The following COMMD1 variants were observed in gnomAD, a reference collection of about 807,000 sequenced individuals.
COMMD1 encodes COMM domain-containing protein 1.
COMMD1 carries 10 observed loss-of-function variants against 17.2 expected under a neutral mutation model. The ratio of observed to expected loss-of-function variants is 0.58; its 90% CI spans 0.36 to 0.99. The LOEUF (loss-of-function observed/expected upper bound fraction) is 0.99. Among genes scored for constraint, COMMD1 ranks in the 50% least tolerant of loss-of-function variants. COMMD1 has a pLI of 0.01. For missense variants in COMMD1, 270 were observed against 231.8 expected (o/e 1.17, Z -1.07); for synonymous variants, 97 against 91.6 (o/e 1.06, Z -0.34).
At chr2:61,906,734 C>G (rs771793842) in intron 1 of COMMD1, among the ~76,000 whole-genome samples, 2 of 151,810 alleles carry the variant, frequency 1.3e-5, no homozygotes, top group African/African-American at 4.8e-5. Flanking sequence ...CATGTTGTTT[C>G]ATTTGTTTCT....
At chr2:62,117,221 G>T (rs1000708955) in intron 2 of COMMD1, among the ~76,000 whole-genome samples, 5 of 152,096 alleles carry the variant, frequency 3.3e-5, no homozygotes, top group Admixed American at 1.3e-4. Context: ...ACTCAGCCGG[G>T]CTGCTGCCCC....
chr2:62,046,595 G>T (rs1031449189), intron 2 of COMMD1, among the ~76,000 whole-genome samples: 1 of 152,110 alleles, frequency 6.6e-6, no homozygotes, highest in African/African-American at 2.4e-5. Flanking sequence ...CATTGAAGAA[G>T]TAAAGAGAAG....
intron 2 of COMMD1, among the ~76,000 whole-genome samples, chr2:62,053,722 A>G (rs1035241087): frequency 6.6e-6 from 1 of 152,096 alleles, no homozygotes; most frequent in Non-Finnish European, 1.5e-5. Context: ...CACACCAGTT[A>G]CCCCAGAGAA....
chr2:61,920,899 G>C (rs1347651977), intron 1 of COMMD1, among the ~76,000 whole-genome samples: 1 of 150,216 alleles, frequency 6.7e-6, no homozygotes, highest in Non-Finnish European at 1.5e-5. Flanking sequence ...ATAAATGTGT[G>C]TGTGTGTATA....
intron 1 of COMMD1, among the ~76,000 whole-genome samples, chr2:61,893,072 G>A (rs1436652394): frequency 2.6e-5 from 4 of 151,892 alleles, no homozygotes; most frequent in Non-Finnish European, 5.9e-5. Context: ...TCACCATGTT[G>A]GCCAGGCTGG....
At chr2:61,908,116 C>T (rs998320880) in intron 1 of COMMD1, among the ~76,000 whole-genome samples, 8 of 152,154 alleles carry the variant, frequency 5.3e-5, no homozygotes, top group African/African-American at 1.7e-4. Flanking sequence ...TTGCAGGTGC[C>T]TGGCAGCACA....
chr2:62,106,406 A>ATCTTTG (rs1359839239), intron 2 of COMMD1, among the ~76,000 whole-genome samples: 1 of 152,182 alleles, frequency 6.6e-6, no homozygotes, highest in African/African-American at 2.4e-5. Context: ...ACAGCAAAAG[A>ATCTTTG]TATGTATCTT....
At chr2:61,981,659 T>A (rs1573028563) in intron 1 of COMMD1, among the ~76,000 whole-genome samples, 1 of 151,858 alleles carries the variant, frequency 6.6e-6, no homozygotes, top group African/African-American at 2.4e-5. Context: ...TGGCGGAAGG[T>A]GAAAGGCACA....
chr2:61,968,336 G>A (rs1020076081), intron 1 of COMMD1, among the ~76,000 whole-genome samples: 3 of 152,164 alleles, frequency 2.0e-5, no homozygotes, highest in Non-Finnish European at 4.4e-5. Context: ...AATATGGAAT[G>A]TAATTACTTG....
At chr2:61,979,153 C>A (rs898987208) in intron 1 of COMMD1, among the ~76,000 whole-genome samples, 2 of 152,034 alleles carry the variant, frequency 1.3e-5, no homozygotes, top group African/African-American at 4.8e-5. Flanking sequence ...ATCTGTCTAC[C>A]CTCTTTCTCC....
intron 2 of COMMD1, among the ~76,000 whole-genome samples, chr2:62,015,695 G>GTT (rs1175789686): frequency 0.034 from 4,369 of 127,114 alleles, 150 homozygotes; most frequent in African/African-American, 0.095. Flanking sequence ...TAGTTTCTGG[G>GTT]TTTTTTTTTT....
chr2:61,990,899 TATATACACACACAC>T (rs1672231447), intron 1 of COMMD1, among the ~76,000 whole-genome samples: 1 of 69,240 alleles, frequency 1.4e-5, no homozygotes, highest in South Asian at 6.4e-4. Context: ...AAAATATATA[TATATACACACACAC>T]ACACACACAC....
intron 2 of COMMD1, among the ~76,000 whole-genome samples, chr2:62,095,573 T>C (rs1187928537): frequency 1.3e-5 from 2 of 152,032 alleles, no homozygotes; most frequent in Non-Finnish European, 2.9e-5. Context: ...TTTGGCTGTA[T>C]GTCATCAATA....
At chr2:62,023,885 A>G (rs1231650179) in intron 2 of COMMD1, among the ~76,000 whole-genome samples, 1 of 152,174 alleles carries the variant, frequency 6.6e-6, no homozygotes, top group Non-Finnish European at 1.5e-5. Flanking sequence ...CAATGGTTAT[A>G]TCTACTCTAT....
upstream of COMMD1, among the ~76,000 whole-genome samples, chr2:61,903,555 CTTT>C (rs766745369): frequency 7.0e-6 from 1 of 143,254 alleles, no homozygotes. Context: ...TCAGTTGTCA[CTTT>C]TTTTTTTTTT....
chr2:62,073,696 C>CTATG (rs1553386865), intron 2 of COMMD1, among the ~76,000 whole-genome samples: 3 of 152,032 alleles, frequency 2.0e-5, no homozygotes, highest in Non-Finnish European at 4.4e-5. Context: ...CAGAATAAAC[C>CTATG]TATTTATTTA....
intron 1 of COMMD1, among the ~76,000 whole-genome samples, chr2:61,920,951 A>C (rs899848806): frequency 8.7e-6 from 1 of 114,912 alleles, no homozygotes; most frequent in African/African-American, 3.3e-5. Context: ...GTGTTTGTGT[A>C]TATATATATG....
intron 2 of COMMD1, 128 bp downstream of exon 2, chr2:62,001,110 CAG>C (rs915587532): frequency 1.0e-6 from 1 of 954,836 alleles, no homozygotes; most frequent in African/African-American, 1.6e-5. Context: ...AATCCTTTTT[CAG>C]AGGTAGAATC....
At chr2:61,914,183 T>C (rs1456999288) in intron 1 of COMMD1, among the ~76,000 whole-genome samples, 5 of 151,534 alleles carry the variant, frequency 3.3e-5, no homozygotes, top group Non-Finnish European at 7.4e-5. Flanking sequence ...AATAAATAAA[T>C]AAATAAAATT....
Sources: gnomAD v4.1 joint callset for allele counts (sites outside exome capture counted in the v4.1 genomes callset) on GRCh38, gnomAD v4.1.1 for gene constraint, MANE v1.5 for transcripts, NCBI Gene and HGNC (gene_info 2026-07-23, HGNC 2026-07-21) for gene names.